The following VIPR1 variants were observed in gnomAD, a reference collection of about 807,000 sequenced individuals.
VIPR1 encodes the protein vasoactive intestinal polypeptide receptor 1.
Under a neutral mutation model 58.8 loss-of-function variants are expected in VIPR1, and 59 were observed. The observed-to-expected ratio is 1.00, with a 90% CI of 0.81 to 1.25. The LOEUF is 1.25. Ranked by LOEUF, VIPR1 falls within the 50% of genes most tolerant of loss-of-function variation. VIPR1 has a pLI of 0.00. For missense variants in VIPR1, 626 were observed against 602.7 expected (o/e 1.04, Z -0.40); for synonymous variants, 251 against 242.1 (o/e 1.04, Z -0.34).
At position 42,496,750 on chromosome 3, in the gene VIPR1, G is replaced by T. The variant is rs140839722; in HGVS notation, c.-245+7072G>T. 2.4e-3 allele frequency among the ~76,000 whole-genome samples: 363 copies of T among 152,156 alleles called. 2 individuals are homozygous for T. The East Asian group carries it at 0.026, about 11-fold the overall frequency. The stretch of plus-strand genomic sequence containing the variant: ...CCATTGACTATGATGATTCATTTTT[G>T]TAATTATTTCTAATACATGATTTGA... On this transcript the variant is annotated intron_variant, in intron 1 of 13. Transcript: ENST00000433647.
At chr3:42,528,670 AG>A (rs1016621587) in intron 6 of VIPR1, 2 of 152,890 alleles carry the variant, frequency 1.3e-5, no homozygotes, top group Non-Finnish European at 2.9e-5. Flanking sequence ...TAGGGAAGAG[AG>A]GTAAAGGGAT....
chr3:42,510,154 C>T (rs976744029), intron 1 of VIPR1, among the ~76,000 whole-genome samples: 1 of 152,228 alleles, frequency 6.6e-6, no homozygotes, highest in African/African-American at 2.4e-5. Context: ...CCAGGCTTCT[C>T]ACAGCCTTGC....
rs1701835579 is a variant in VIPR1 at position 42,536,215 on chromosome 3, G to A, written c.1308G>A (p.Met436Ile). 4 of 1,590,406 alleles carry A rather than the reference G, an allele frequency of 2.5e-6. No homozygotes were observed. The highest frequency in any genetic ancestry group is 2.6e-6 in the Non-Finnish European group (3 of 1,170,204). ...CCACGTGCAGCACGCAGGTTTCCAT[G>A]CTGACCCGCGTCAGCCCAGGTGCCC... ...NGATCSTQVSMLTRVSPGARR... is the reference protein window; with the variant it reads ...NGATCSTQVSILTRVSPGARR... The change falls in exon 13 of 13, where the codon ATG becomes ATA. Residue 436 changes from methionine (M) to isoleucine (I), a missense_variant. By Grantham distance (10) the Met-to-Ile change is conservative. Transcript: ENST00000325123.
intron 5 of VIPR1, 153 bp downstream of exon 5, chr3:42,527,649 G>T: frequency 1.4e-6 from 1 of 732,714 alleles, no homozygotes; most frequent in Non-Finnish European, 2.3e-6. Flanking sequence ...AGCTTCCCCT[G>T]GAGAAGGCAG....
chr3:42,514,775 G>A (rs909495702), intron 2 of VIPR1, among the ~76,000 whole-genome samples: 1 of 152,174 alleles, frequency 6.6e-6, no homozygotes, highest in Non-Finnish European at 1.5e-5. Context: ...CTGGCAGTGT[G>A]AAGGGTAGTG....
chr3:42,536,467 G>A lies in VIPR1; in HGVS notation c.*186G>A, dbSNP rs1279572041. ...CGCAGCCCTAGAGCCTGCCTGGAGC[G>A]TTTCTAGCAAGTGAGAGAGATGGGA... On this transcript the variant is annotated 3_prime_UTR_variant, in exon 13 of 13. Transcript: ENST00000325123. The A allele has an allele frequency of 2.0e-5, 11 of 550,712 alleles. No homozygotes were observed. Among genetic ancestry groups the A allele is most frequent in the African/African-American group, 1.4e-4 (7 of 50,124 alleles). 34.1% of individuals were successfully genotyped at this position (550,712 alleles called of 1,614,324 possible).
intron 1 of VIPR1, among the ~76,000 whole-genome samples, chr3:42,491,771 C>T (rs376889594): frequency 3.2e-4 from 48 of 152,282 alleles, no homozygotes; most frequent in East Asian, 1.9e-3. Context: ...GCTGGGCTTT[C>T]GCCATGTTGG....
In VIPR1 at chr3:42,527,989, A is replaced by T. The variant is rs1278741044; in HGVS notation, c.504-2A>T. On this transcript the variant is annotated splice_acceptor_variant, in intron 5 of 12. Coordinates refer to ENST00000325123, the MANE Select transcript of VIPR1 (RefSeq NM_004624.4). LOFTEE classifies it high-confidence loss of function. ...CCTCCCAGATCTGCCCACCCCACAC[A>T]GGAAGCTCCACTGCACGCGGAACTA... The T allele has an allele frequency of 6.2e-7, 1 of 1,613,650 alleles. No individual in the cohort carries two copies. The highest frequency in any genetic ancestry group is 1.7e-5 in the Admixed American group (1 of 59,986).
At position 42,530,908 on chromosome 3, in the gene VIPR1, T is replaced by C; in HGVS notation, c.766T>C (p.Trp256Arg). The C allele has an allele frequency of 6.2e-7, 1 of 1,614,006 alleles. No individual in the cohort carries two copies. The highest frequency in any genetic ancestry group is 8.5e-7 in the Non-Finnish European group (1 of 1,179,926). ...VSFFSERKYFWGYILIGWGVP... is the reference protein window; with the variant it reads ...VSFFSERKYFRGYILIGWGVP... ...CTTCTTCTCTGAGCGGAAGTACTTC[T>C]GGGGGTACATACTCATCGGCTGGGG... Residue 256 changes from tryptophan to arginine, a missense_variant, in exon 7 of 13, where the codon TGG becomes CGG. Physicochemically the swap from Trp to Arg is moderately radical, Grantham distance 101 (BLOSUM62 -3). Transcript: ENST00000325123.
At chr3:42,512,652 A>G in intron 1 of VIPR1, 1 of 803,958 alleles carries the variant, frequency 1.2e-6, no homozygotes, top group African/African-American at 1.9e-5. Flanking sequence ...CCAGGGTGGG[A>G]GGGACAAGCT....
chr3:42,523,407 G>C (rs998054915), intron 3 of VIPR1, among the ~76,000 whole-genome samples: 1 of 152,074 alleles, frequency 6.6e-6, no homozygotes, highest in Non-Finnish European at 1.5e-5. Flanking sequence ...TATCCCTTTG[G>C]CCGCTGCTGG....
At chr3:42,512,418 C>T (rs1700402667) in intron 1 of VIPR1, 1 of 152,236 alleles carries the variant, frequency 6.6e-6, no homozygotes, top group African/African-American at 2.4e-5. Flanking sequence ...TGGCTGCCAG[C>T]TGGGATGCAC....
chr3:42,514,574 T>G (rs11719334), intron 2 of VIPR1, among the ~76,000 whole-genome samples: 1 of 130,176 alleles, frequency 7.7e-6, no homozygotes, highest in Non-Finnish European at 1.6e-5. Flanking sequence ...CACACACACA[T>G]ACACACACGC....
intron 1 of VIPR1, among the ~76,000 whole-genome samples, chr3:42,495,744 T>C (rs142421837): frequency 1.9e-3 from 291 of 151,882 alleles, no homozygotes; most frequent in African/African-American, 6.6e-3. Flanking sequence ...GAACCTGAGG[T>C]CAACCTCTAG....
chr3:42,491,661 A>G (rs1046545573), intron 1 of VIPR1, among the ~76,000 whole-genome samples: 1 of 151,952 alleles, frequency 6.6e-6, no homozygotes, highest in Non-Finnish European at 1.5e-5. Context: ...TGAAACCTCT[A>G]CCTCCTGGGT....
chr3:42,495,283 G>A (rs965086609), intron 1 of VIPR1, among the ~76,000 whole-genome samples: 1 of 151,812 alleles, frequency 6.6e-6, no homozygotes. Context: ...CACCACTCCC[G>A]GCTAAATTTT....
At chr3:42,501,268 G>T (rs1203349379), upstream of VIPR1, among the ~76,000 whole-genome samples, 1 of 151,998 alleles carries the variant, frequency 6.6e-6, no homozygotes, top group Admixed American at 6.5e-5. The surrounding 1 kb of genome is among the most constrained non-coding windows in gnomAD (Gnocchi z 4.8). Context: ...CCCCATGGCA[G>T]CATCCCAACG....
chr3:42,502,841 C>A, intron 1 of VIPR1, 28 bp downstream of exon 1: 1 of 1,248,596 alleles, frequency 8.0e-7, no homozygotes, highest in South Asian at 3.2e-5. Flanking sequence ...CGCCCAGAGT[C>A]CCGGCAGCCT....
upstream of VIPR1, chr3:42,499,921 C>G (rs1438652077): frequency 1.3e-5 from 2 of 152,196 alleles, no homozygotes; most frequent in Non-Finnish European, 2.9e-5. Context: ...ACAGGACATT[C>G]GGGAGCAATT....
Sources: allele counts gnomAD v4.1 joint callset (sites outside exome capture counted in the v4.1 genomes callset), GRCh38; gene constraint gnomAD v4.1.1; non-coding constraint Gnocchi (gnomAD v3.1); transcripts MANE v1.5; gene names NCBI Gene and HGNC (gene_info 2026-07-23, HGNC 2026-07-21).